POLD1: variants seen among roughly 807,000 people sequenced by gnomAD.
The protein encoded by POLD1 is DNA polymerase delta catalytic subunit.
In POLD1, 79 loss-of-function variants were observed where a neutral mutation model predicts 129.7. The ratio of observed to expected loss-of-function variants is 0.61; its 90% CI spans 0.51 to 0.73. POLD1 has a LOEUF of 0.73. Ranked by LOEUF, POLD1 falls within the 30% of genes least tolerant of loss-of-function variation. The pLI is 0.00. For synonymous variants in POLD1, 714 were observed against 683.3 expected, an observed-to-expected ratio of 1.04 and a Z score of -0.70; for missense variants, 1,338 against 1,595.8, an observed-to-expected ratio of 0.84 and a Z score of 2.75.
rs1313612116 is a variant in POLD1, at chr19:50,416,522, C to T, written c.2947C>T (p.Leu983=). Residue 983 remains leucine, a synonymous_variant, in exon 23 of 27, where the codon CTA becomes TTA. Coordinates refer to ENST00000440232, the MANE Select transcript of POLD1 (RefSeq NM_002691.4). ...GGGCGAGGGCCGTGCCGAGGCTGTG[C>T]TACTGCGTACGGGGGCACCAGGGGA... The part of the protein sequence containing the change: ...ILGEGRAEAV[L]LRGDHTRCKT... 1 of 1,552,818 alleles carries T rather than the reference C, an allele frequency of 6.4e-7. No homozygotes were observed. The highest frequency in any genetic ancestry group is 8.7e-7 in the Non-Finnish European group (1 of 1,150,084).
chr19:50,399,527 C>T (rs2122204343), intron 3 of POLD1, 43 bp downstream of exon 3: 1 of 1,446,578 alleles, frequency 6.9e-7, no homozygotes, highest in Non-Finnish European at 9.7e-7. Flanking sequence ...CCCTGCGCTC[C>T]TGGGGCAGAG....
At chr19:50,389,914 T>C (rs2038097468) in intron 1 of POLD1, among the ~76,000 whole-genome samples, 5 of 150,838 alleles carry the variant, frequency 3.3e-5, no homozygotes, top group Admixed American at 3.3e-4. Flanking sequence ...TTGTTTTGTT[T>C]TTTTTTTCTT....
intron 1 of POLD1, among the ~76,000 whole-genome samples, chr19:50,392,010 C>T (rs965385418): frequency 1.3e-5 from 2 of 152,142 alleles, no homozygotes; most frequent in African/African-American, 4.8e-5. Context: ...AGCCACTGCA[C>T]CTGGCCCATC....
Position 50,402,197 on chromosome 19 carries a change from A to G in POLD1, c.590-8A>G. The G allele has an allele frequency of 6.3e-7, 1 of 1,583,272 alleles. No individual in the cohort carries two copies. The highest frequency in any genetic ancestry group is 8.6e-7 in the Non-Finnish European group (1 of 1,163,164). Reference sequence around the variant, plus strand: ...CCATTGGCTGGTCCCAGCTTCTTCCATCCACAGGCATGTTTGGGTACCACG... The same window carrying G: ...CCATTGGCTGGTCCCAGCTTCTTCCGTCCACAGGCATGTTTGGGTACCACG... On this transcript the variant is annotated splice_polypyrimidine_tract_variant and splice_region_variant and intron_variant, in intron 5 of 26. Transcript: ENST00000440232.
rs762920108 is a variant in POLD1 at position 50,417,164 on chromosome 19, G to A, written c.3121-8G>A. ...GGGGGCGCCCTGCTCAGCCGCTGCC[G>A]TCCCCAGGTATCCCATCTGAATGCC... On this transcript the variant is annotated splice_polypyrimidine_tract_variant and splice_region_variant and intron_variant, in intron 25 of 26. Coordinates refer to ENST00000440232, the MANE Select transcript of POLD1 (RefSeq NM_002691.4). 2.6e-5 allele frequency: 41 copies of A among 1,595,962 alleles called. No individual in the cohort carries two copies. Among genetic ancestry groups the A allele is most frequent in the East Asian group, 6.8e-5 (3 of 43,960 alleles).
In POLD1 at chr19:50,402,355, A is replaced by G. The variant is rs1292667374; in HGVS notation, c.740A>G (p.Asn247Ser). Reference protein sequence around the residue: ...GTPSFAPYEANVDFEIRFMVD... With the variant: ...GTPSFAPYEASVDFEIRFMVD... ...CCCAGCTTCGCGCCCTACGAGGCCAACGTCGACTTTGAGATCCGGTACGGC... is the reference window on the plus strand; with the variant it reads ...CCCAGCTTCGCGCCCTACGAGGCCAGCGTCGACTTTGAGATCCGGTACGGC... The change falls in exon 6 of 27, where the codon AAC (asparagine) becomes AGC (serine). Residue 247 changes from asparagine (N) to serine (S), a missense_variant. Physicochemically the swap from Asn to Ser is conservative, Grantham distance 46. This residue lies in a region of POLD1 where 720 missense variants were observed against 1,002.6 expected (regional missense o/e 0.72). Coordinates refer to ENST00000440232, the MANE Select transcript of POLD1 (RefSeq NM_002691.4). 2 of 1,611,240 alleles carry G rather than the reference A, an allele frequency of 1.2e-6. No homozygotes were observed. The highest frequency in any genetic ancestry group is 1.7e-6 in the Non-Finnish European group (2 of 1,177,832).
At position 50,407,335 on chromosome 19, in the gene POLD1, C is replaced by T. The variant is rs763347860; in HGVS notation, c.1695C>T (p.His565=). 42 of 1,612,432 alleles carry T rather than the reference C, an allele frequency of 2.6e-5. No homozygotes were observed. The East Asian group carries it at 5.1e-4, about 20-fold the overall frequency. Residue 565 remains histidine (H), a synonymous_variant, in exon 14 of 27, where the codon CAC becomes CAT. Transcript: ENST00000440232. The part of the protein sequence containing the change: ...VVSQLLRQAM[H]EGLLMPVVKS... The stretch of plus-strand genomic sequence containing the variant: ...ACCTTCTCCCCTCCCAGGCCATGCA[C>T]GAGGGGCTGCTGATGCCCGTGGTGA...
chr19:50,398,914 C>A lies in POLD1; in HGVS notation c.63C>A (p.Gly21=). 6.3e-7 allele frequency: 1 copy of A among 1,598,334 alleles called. No individual in the cohort carries two copies. Among genetic ancestry groups the A allele is most frequent in the Non-Finnish European group, 8.5e-7 (1 of 1,173,950 alleles). The change falls in exon 2 of 27, where the codon GGC becomes GGA. Residue 21 remains glycine (G), a synonymous_variant. Transcript: ENST00000440232. Reference sequence around the variant, plus strand: ...TGCCCCCAAAGCGGGCCCGTGGGGGCCTCTGGGATGATGATGATGCACCTC... The same window carrying A: ...TGCCCCCAAAGCGGGCCCGTGGGGGACTCTGGGATGATGATGATGCACCTC... ...PGVPPKRARG[G]LWDDDDAPRP...
At chr19:50,399,511 C>A (rs760073286) in intron 3 of POLD1, 27 bp downstream of exon 3, 4 of 1,522,074 alleles carry the variant, frequency 2.6e-6, no homozygotes, top group Non-Finnish European at 3.6e-6. Context: ...TGGGTGAGTG[C>A]TGGGGCCCTG....
chr19:50,388,095 A>G lies in POLD1; in HGVS notation c.-2+3705A>G, dbSNP rs550893509. ...AAGAGGCTGCATATTCCAAGATCCCATTTATAGGAAATGCCCAGAATAGGC... is the reference window on the plus strand; with the variant it reads ...AAGAGGCTGCATATTCCAAGATCCCGTTTATAGGAAATGCCCAGAATAGGC... On this transcript the variant is annotated intron_variant, in intron 1 of 26. Transcript: ENST00000440232. Among the ~76,000 whole-genome samples the G allele has an allele frequency of 2.6e-5, 4 of 152,348 alleles. No individual in the cohort carries two copies. The East Asian group carries it at 7.7e-4, about 29-fold the overall frequency.
chr19:50,410,091 A>G (rs548895826), intron 17 of POLD1, among the ~76,000 whole-genome samples: 29 of 152,216 alleles, frequency 1.9e-4, no homozygotes, highest in Non-Finnish European at 3.1e-4. Context: ...ACGCTCACAC[A>G]GAGGCCAAGG....
At chr19:50,386,665 A>G (rs1176037376) in intron 1 of POLD1, among the ~76,000 whole-genome samples, 2 of 152,204 alleles carry the variant, frequency 1.3e-5, no homozygotes, top group Non-Finnish European at 2.9e-5. Context: ...GTGGAGTTTC[A>G]TGCAGCGAAC....
intron 1 of POLD1, among the ~76,000 whole-genome samples, chr19:50,391,672 C>T (rs911170453): frequency 5.1e-4 from 66 of 130,580 alleles, no homozygotes; most frequent in Non-Finnish European, 1.5e-4. Flanking sequence ...AGCTCGGCAT[C>T]AGAGGGAGAC....
At chr19:50,392,770 C>T (rs1050808342) in intron 1 of POLD1, among the ~76,000 whole-genome samples, 1 of 152,258 alleles carries the variant, frequency 6.6e-6, no homozygotes, top group Admixed American at 6.5e-5. Flanking sequence ...AGCCACTGCA[C>T]CCAGGCTGTT....
In POLD1 at chr19:50,415,810, C is replaced by T. The variant is rs2039265888; in HGVS notation, c.2804C>T (p.Ala935Val). The change falls in exon 22 of 27, where the codon GCC becomes GTC. Residue 935 changes from alanine to valine, a missense_variant. Physicochemically the swap from Ala to Val is moderately conservative, Grantham distance 64. Around this residue, in one of 3 missense-constraint regions of POLD1, gnomAD observed 286 missense variants for 277.5 expected, o/e 1.03. Coordinates refer to ENST00000440232, the MANE Select transcript of POLD1 (RefSeq NM_002691.4). ...ATCAGTGCCGCCAAGGGTGTGGCCG[C>T]CTACATGAAGTCGGAGGTCAGGCCC... ...VIISAAKGVA[A>V]YMKSEDPLFV... 7 of 1,538,642 alleles carry T rather than the reference C, an allele frequency of 4.5e-6. No homozygotes were observed. The highest frequency in any genetic ancestry group is 6.1e-6 in the Non-Finnish European group (7 of 1,142,786).
intron 26 of POLD1, 43 bp from the exon 27 acceptor site, chr19:50,417,799 G>T: frequency 7.7e-7 from 1 of 1,300,382 alleles, no homozygotes; most frequent in Non-Finnish European, 1.1e-6. Flanking sequence ...GCTGGGCACT[G>T]GGCCTTGGCT....
chr19:50,396,533 A>G (rs2038373690), intron 1 of POLD1, among the ~76,000 whole-genome samples: 1 of 151,638 alleles, frequency 6.6e-6, no homozygotes, highest in East Asian at 1.9e-4. Context: ...GCTGGAGTGC[A>G]GTGGTGCAAT....
intron 13 of POLD1, 43 bp from the exon 14 acceptor site, chr19:50,407,283 GC>G: frequency 6.4e-7 from 1 of 1,573,356 alleles, no homozygotes; most frequent in Non-Finnish European, 8.7e-7. Flanking sequence ...AATCCGCACG[GC>G]CCCACCTATA....
At position 50,407,157 on chromosome 19, in the gene POLD1, T is replaced by G. The variant is rs1215760107; in HGVS notation, c.1669T>G (p.Ser557Ala). ...TCGTGGCCAGCAGGTCAAGGTCGTA[T>G]CCCAGCTGTTGCGGCAGGTCAGTAG... ...LSRGQQVKVV[S>A]QLLRQAMHEG... Residue 557 changes from serine (S) to alanine (A), a missense_variant, in exon 13 of 27, where the codon TCC becomes GCC. Coordinates refer to ENST00000440232, the MANE Select transcript of POLD1 (RefSeq NM_002691.4). 3 of 1,607,168 alleles carry G rather than the reference T, an allele frequency of 1.9e-6. No individual in the cohort carries two copies. Among genetic ancestry groups the G allele is most frequent in the East Asian group, 4.5e-5 (2 of 44,682 alleles).
Sources: gnomAD v4.1 joint callset for allele counts (sites outside exome capture counted in the v4.1 genomes callset) on GRCh38, gnomAD v4.1.1 for gene constraint, gnomAD v4.1.1 regional missense constraint, MANE v1.5 for transcripts, NCBI Gene and HGNC (gene_info 2026-07-23, HGNC 2026-07-21) for gene names.